Variants in RALGAPA2 observed in about 807,000 individuals in gnomAD.
The protein encoded by RALGAPA2 is Ral GTPase activating protein catalytic subunit alpha 2.
RALGAPA2 carries 139 observed loss-of-function variants against 230.4 expected under a neutral mutation model. That is an observed-to-expected ratio of 0.60 (90% CI 0.53 to 0.69). The LOEUF (loss-of-function observed/expected upper bound fraction) is 0.69, where lower values mean the gene tolerates loss of function less well. Among genes scored for constraint, RALGAPA2 ranks in the 30% least tolerant of loss-of-function variants. RALGAPA2 has a pLI of 0.00. For missense variants in RALGAPA2, 2,163 were observed against 2,276.0 expected (o/e 0.95, Z 1.01); for synonymous variants, 847 against 837.8 (o/e 1.01, Z -0.19).
rs975432819 is a variant in RALGAPA2 at position 20,512,224 on chromosome 20, T to C, written c.4856+289A>G. Among the ~76,000 whole-genome samples the C allele has an allele frequency of 4.3e-4, 59 of 137,758 alleles. No individual in the cohort carries two copies. In the South Asian group the frequency reaches 0.01, roughly 24 times the overall value. The allele number at this position is 137,758 out of a possible 152,430, so 90.4% of individuals were successfully genotyped here. A position where few individuals can be genotyped will look rare whatever the true frequency, so the allele number is the denominator to read the frequency against. ...AACAAACAACAACAACAACCCCCCC[T>C]ACACACACACACACATACACACACA... On this transcript the variant is annotated intron_variant, in intron 32 of 39. Coordinates refer to ENST00000202677, the MANE Select transcript of RALGAPA2 (RefSeq NM_020343.4).
intron 27 of RALGAPA2, among the ~76,000 whole-genome samples, chr20:20,529,419 A>G (rs760356081): frequency 1.3e-5 from 2 of 152,240 alleles, no homozygotes; most frequent in African/African-American, 2.4e-5. Context: ...TGCAGAAAGA[A>G]TATCTATCCC....
chr20:20,412,686 A>G (rs936208874), intron 37 of RALGAPA2, among the ~76,000 whole-genome samples: 8 of 152,210 alleles, frequency 5.3e-5, no homozygotes, highest in Non-Finnish European at 1.2e-4. Flanking sequence ...AGCTGTGAAC[A>G]TTGGAAAATA....
chr20:20,682,352 T>G (rs2068549948), intron 1 of RALGAPA2, among the ~76,000 whole-genome samples: 1 of 152,184 alleles, frequency 6.6e-6, no homozygotes, highest in Non-Finnish European at 1.5e-5. Context: ...AAGGAATCCT[T>G]GAGTGCCTTG....
intron 24 of RALGAPA2, among the ~76,000 whole-genome samples, chr20:20,541,485 T>G (rs2063639822): frequency 6.6e-6 from 1 of 152,174 alleles, no homozygotes; most frequent in Non-Finnish European, 1.5e-5. Flanking sequence ...ACAAGCACTG[T>G]GATATCACAA....
At chr20:20,535,268 G>A (rs532165633) in intron 26 of RALGAPA2, among the ~76,000 whole-genome samples, 1 of 152,106 alleles carries the variant, frequency 6.6e-6, no homozygotes, top group Non-Finnish European at 1.5e-5. Context: ...TTTTCAATAC[G>A]TAAGTGGCCC....
At chr20:20,627,906 A>G (rs1312712155) in intron 10 of RALGAPA2, among the ~76,000 whole-genome samples, 1 of 152,222 alleles carries the variant, frequency 6.6e-6, no homozygotes, top group East Asian at 1.9e-4. Flanking sequence ...GGCCCCAAGG[A>G]GGCAAGTGTA....
intron 4 of RALGAPA2, among the ~76,000 whole-genome samples, chr20:20,644,750 GCTCT>G (rs1309074612): frequency 1.3e-5 from 2 of 152,152 alleles, no homozygotes; most frequent in Non-Finnish European, 2.9e-5. Flanking sequence ...TACTAGGCTG[GCTCT>G]CTCTGTCACA....
At chr20:20,553,758 A>C (rs1190381988) in intron 23 of RALGAPA2, among the ~76,000 whole-genome samples, 1 of 152,168 alleles carries the variant, frequency 6.6e-6, no homozygotes, top group African/African-American at 2.4e-5. Flanking sequence ...AGATGGCAGA[A>C]AAAGGCACTG....
At chr20:20,443,068 A>G (rs1380128829) in intron 37 of RALGAPA2, among the ~76,000 whole-genome samples, 2 of 152,266 alleles carry the variant, frequency 1.3e-5, no homozygotes, top group East Asian at 3.8e-4. Flanking sequence ...CTGCATTTAA[A>G]GCATTCTGAC....
At chr20:20,632,119 G>A (rs2066695427) in intron 9 of RALGAPA2, among the ~76,000 whole-genome samples, 1 of 151,840 alleles carries the variant, frequency 6.6e-6, no homozygotes. Context: ...CCGCCTCCTG[G>A]GTCCATGCCT....
intron 19 of RALGAPA2, among the ~76,000 whole-genome samples, chr20:20,583,667 A>C (rs2065051830): frequency 6.6e-6 from 1 of 152,190 alleles, no homozygotes; most frequent in South Asian, 2.1e-4. Context: ...AGGTAGACGT[A>C]GACCTAGGGT....
intron 9 of RALGAPA2, among the ~76,000 whole-genome samples, chr20:20,631,885 C>G (rs1257517452): frequency 2.0e-5 from 3 of 152,194 alleles, no homozygotes; most frequent in African/African-American, 7.2e-5. Flanking sequence ...TTCTCCCTCC[C>G]TACCAGAACC....
intron 33 of RALGAPA2, among the ~76,000 whole-genome samples, chr20:20,507,008 ATAGCCGT>A (rs2062555318): frequency 6.6e-6 from 1 of 152,264 alleles, no homozygotes; most frequent in Non-Finnish European, 1.5e-5. Flanking sequence ...AGCAAAGAAC[ATAGCCGT>A]TACACCATTT....
intron 37 of RALGAPA2, among the ~76,000 whole-genome samples, chr20:20,456,251 C>T (rs1254393027): frequency 6.6e-6 from 1 of 152,252 alleles, no homozygotes; most frequent in Non-Finnish European, 1.5e-5. Context: ...TTTAATCCAA[C>T]TAACATCTAC....
At chr20:20,707,221 C>A (rs2069642640) in intron 1 of RALGAPA2, among the ~76,000 whole-genome samples, 1 of 152,156 alleles carries the variant, frequency 6.6e-6, no homozygotes, top group African/African-American at 2.4e-5. Context: ...GTGAAAATGG[C>A]AGCCTCAATC....
intron 24 of RALGAPA2, among the ~76,000 whole-genome samples, chr20:20,539,427 T>TA (rs1292930814): frequency 6.6e-6 from 1 of 152,146 alleles, no homozygotes; most frequent in Non-Finnish European, 1.5e-5. Context: ...TCTCTCTTTT[T>TA]AAAAAAACAT....
chr20:20,512,224 T>TACACACACACACACATACAC (rs1336523420), intron 32 of RALGAPA2, among the ~76,000 whole-genome samples: 1 of 137,708 alleles, frequency 7.3e-6, no homozygotes, highest in Non-Finnish European at 1.6e-5. Flanking sequence ...CAACCCCCCC[T>TACACACACACACACATACAC]ACACACACAC....
intron 1 of RALGAPA2, among the ~76,000 whole-genome samples, chr20:20,711,508 CG>C (rs1249290155): frequency 6.6e-6 from 1 of 152,154 alleles, no homozygotes; most frequent in African/African-American, 2.4e-5. Context: ...ATAGCCTAGG[CG>C]AACCAGCTAC....
intron 38 of RALGAPA2, among the ~76,000 whole-genome samples, chr20:20,400,054 C>A (rs552053536): frequency 6.6e-6 from 1 of 152,158 alleles, no homozygotes; most frequent in Non-Finnish European, 1.5e-5. Flanking sequence ...ATCCTACCAG[C>A]AGGAAGGCGG....
Sources: allele counts gnomAD v4.1 joint callset (sites outside exome capture counted in the v4.1 genomes callset), GRCh38; gene constraint gnomAD v4.1.1; transcripts MANE v1.5; gene names NCBI Gene and HGNC (gene_info 2026-07-23, HGNC 2026-07-21).